Variants in SGMS1 observed in about 807,000 individuals in gnomAD.
The protein encoded by SGMS1 is sphingomyelin synthase 1.
In SGMS1, 13 loss-of-function variants were observed where a neutral mutation model predicts 46.2. The observed-to-expected ratio is 0.28, with a 90% confidence interval of 0.18 to 0.45. The LOEUF is 0.45. Among genes scored for constraint, SGMS1 ranks in the 20% least tolerant of loss-of-function variants. The probability of loss-of-function intolerance (pLI) is 1.00; values close to 1 mark genes in which losing one functional copy is unlikely to be tolerated. For synonymous variants in SGMS1, 203 were observed against 187.8 expected, an observed-to-expected ratio of 1.08 and a Z score of -0.66; for missense variants, 324 against 519.9, an observed-to-expected ratio of 0.62 and a Z score of 3.66.
At chr10:50,350,474 G>C (rs1020651155) in intron 6 of SGMS1, among the ~76,000 whole-genome samples, 17 of 152,288 alleles carry the variant, frequency 1.1e-4, no homozygotes, top group African/African-American at 3.6e-4. Flanking sequence ...CAGGACAATG[G>C]GGGAAATGTC....
chr10:50,396,011 T>C (rs1848843788), intron 6 of SGMS1, among the ~76,000 whole-genome samples: 1 of 152,204 alleles, frequency 6.6e-6, no homozygotes, highest in African/African-American at 2.4e-5. Flanking sequence ...AACCGATTCA[T>C]CATTCATCTG....
intron 2 of SGMS1, among the ~76,000 whole-genome samples, chr10:50,530,173 A>G (rs932143181): frequency 8.5e-5 from 13 of 152,232 alleles, no homozygotes; most frequent in Admixed American, 6.5e-4. Flanking sequence ...GAGCTTCATC[A>G]GAATTTTTTT....
At chr10:50,624,043 G>GGGGCGGGCCGGCCGGGC (rs1322787099), upstream of SGMS1, 13 of 985,370 alleles carry the variant, frequency 1.3e-5, no homozygotes, top group East Asian at 1.1e-4. Flanking sequence ...TGCGGCCGGG[G>GGGGCGGGCCGGCCGGGC]GGGCGGGCCG....
intron 6 of SGMS1, among the ~76,000 whole-genome samples, chr10:50,380,107 A>G (rs7093878): frequency 0.37 from 56,429 of 151,984 alleles, 10,664 homozygotes; most frequent in African/African-American, 0.42. Context: ...TTGGCTGGGC[A>G]CAGTGGCTCA....
In SGMS1 at chr10:50,307,862, A is replaced by T; in HGVS notation, c.1062+120T>A. The T allele has an allele frequency of 1.1e-6, 1 of 882,640 alleles. No homozygotes were observed. Among genetic ancestry groups the T allele is most frequent in the South Asian group, 1.6e-5 (1 of 63,828 alleles). The allele number at this position is 882,640 out of a possible 1,614,324, so 54.7% of individuals were successfully genotyped here. ...TGTCACAAAAAAACAATACAATCTT[A>T]GTTGATTACTACTTAAGAAAGAGAA... is the stretch of plus-strand genomic sequence containing the variant. On this transcript the variant is annotated intron_variant, in intron 10 of 10. Transcript: ENST00000361781. The surrounding 1 kb of genome is among the most constrained non-coding windows in gnomAD (Gnocchi z 4.2).
At chr10:50,372,062 C>A (rs1329608402) in intron 6 of SGMS1, among the ~76,000 whole-genome samples, 3 of 152,194 alleles carry the variant, frequency 2.0e-5, no homozygotes, top group African/African-American at 7.2e-5. Context: ...TGCTGAATGT[C>A]TTTCTGCCTT....
At chr10:50,483,711 A>C (rs1349197712) in intron 3 of SGMS1, among the ~76,000 whole-genome samples, 1 of 152,180 alleles carries the variant, frequency 6.6e-6, no homozygotes, top group Admixed American at 6.5e-5. Flanking sequence ...CCACAGCAAA[A>C]TCAAATTAGA....
At chr10:50,570,261 T>C (rs1838325768) in intron 2 of SGMS1, among the ~76,000 whole-genome samples, 1 of 152,144 alleles carries the variant, frequency 6.6e-6, no homozygotes, top group South Asian at 2.1e-4. Flanking sequence ...ATACCAAAGG[T>C]ACTAAAGGAT....
intron 3 of SGMS1, among the ~76,000 whole-genome samples, chr10:50,483,987 G>C (rs1232387931): frequency 6.6e-6 from 1 of 152,066 alleles, no homozygotes; most frequent in Non-Finnish European, 1.5e-5. Context: ...AAAAGAACTA[G>C]AGAAGAAAGA....
intron 6 of SGMS1, among the ~76,000 whole-genome samples, chr10:50,365,555 T>C (rs1848326326): frequency 1.3e-5 from 2 of 151,716 alleles, no homozygotes; most frequent in African/African-American, 4.8e-5. Flanking sequence ...CATGCATTTG[T>C]TATTTGTCCT....
chr10:50,532,363 C>G (rs1049842474), intron 2 of SGMS1, among the ~76,000 whole-genome samples: 1 of 151,722 alleles, frequency 6.6e-6, no homozygotes, highest in Admixed American at 6.6e-5. Context: ...AGACCCTGAA[C>G]TAGAATAACT....
chr10:50,465,990 CATCA>C (rs1837324198), intron 4 of SGMS1, among the ~76,000 whole-genome samples: 5 of 151,984 alleles, frequency 3.3e-5, no homozygotes, highest in Admixed American at 3.3e-4. Flanking sequence ...ACAATGACTG[CATCA>C]AGAAAATAAA....
Position 50,587,626 on chromosome 10 carries a change from AAT to A in SGMS1, c.-589+2525_-589+2526del, listed in dbSNP as rs67652314. Among the ~76,000 whole-genome samples, 571 of 85,794 alleles carry A rather than the reference AAT, an allele frequency of 6.7e-3. 11 individuals carry two copies. The highest frequency in any genetic ancestry group is 7.5e-3 in the Admixed American group (55 of 7,286). The allele number at this position is 85,794 out of a possible 152,430, so 56.3% of individuals were successfully genotyped here. A position where few individuals can be genotyped will look rare whatever the true frequency, so the allele number is the denominator to read the frequency against. On this transcript the variant is annotated intron_variant, in intron 2 of 10. Transcript: ENST00000361781. ...GCAACAGAGCAAGACTGCATCTCAA[AAT>A]ATATATGTGTGTGTGTGTGTGTGTG...
chr10:50,605,862 A>C (rs899915107), intron 1 of SGMS1, among the ~76,000 whole-genome samples: 1 of 152,136 alleles, frequency 6.6e-6, no homozygotes, highest in African/African-American at 2.4e-5. Flanking sequence ...AATATACATC[A>C]TACTCATTAA....
intron 5 of SGMS1, among the ~76,000 whole-genome samples, chr10:50,455,075 C>T (rs1837174590): frequency 6.6e-6 from 1 of 152,178 alleles, no homozygotes; most frequent in Non-Finnish European, 1.5e-5. Flanking sequence ...TTGCCCTGCT[C>T]ACTATTGTGT....
chr10:50,320,432 C>A (rs773825163), intron 8 of SGMS1, among the ~76,000 whole-genome samples: 1 of 152,182 alleles, frequency 6.6e-6, no homozygotes, highest in African/African-American at 2.4e-5. Flanking sequence ...AAAACAGGTG[C>A]ATATAATTTG....
Position 50,467,572 on chromosome 10 carries a change from C to T in SGMS1, c.-497-640G>A, listed in dbSNP as rs75634778. Among the ~76,000 whole-genome samples, 1,536 of 152,194 alleles carry T rather than the reference C, an allele frequency of 0.01. 52 individuals are homozygous for T. In the East Asian group the frequency reaches 0.13, roughly 13 times the overall value. On this transcript the variant is annotated intron_variant, in intron 3 of 10. Coordinates refer to ENST00000361781, the MANE Select transcript of SGMS1 (RefSeq NM_147156.4). ...GGTACATGCAGAAAGGGGAAAAAGC[C>T]TATTTTTTAAAAAATTAGTAAGCCC...
chr10:50,379,370 C>T (rs10443954), intron 6 of SGMS1, among the ~76,000 whole-genome samples: 18,602 of 152,022 alleles, frequency 0.12, 1,254 homozygotes, highest in Middle Eastern at 0.21. Context: ...ACCAACATAT[C>T]TGTGACGTAG....
chr10:50,389,594 C>T (rs1217229823), intron 6 of SGMS1, among the ~76,000 whole-genome samples: 1 of 152,196 alleles, frequency 6.6e-6, no homozygotes, highest in East Asian at 1.9e-4. Flanking sequence ...TTCCACTTTG[C>T]TATTTTCTCC....
Sources: allele counts gnomAD v4.1 joint callset (sites outside exome capture counted in the v4.1 genomes callset), GRCh38; gene constraint gnomAD v4.1.1; non-coding constraint Gnocchi (gnomAD v3.1); transcripts MANE v1.5; gene names NCBI Gene and HGNC (gene_info 2026-07-23, HGNC 2026-07-21).